Variants in SOX5 observed in about 807,000 individuals in gnomAD.
The protein encoded by SOX5 is SRY-box transcription factor 5.
Under a neutral mutation model 92.0 loss-of-function variants are expected in SOX5, and 9 were observed. That is an observed-to-expected ratio of 0.10 (90% CI 0.06 to 0.17). The LOEUF is 0.17. Among genes scored for constraint, SOX5 ranks in the 10% least tolerant of loss-of-function variants. The pLI, the probability that SOX5 is intolerant of heterozygous loss-of-function variation, is 1.00. For synonymous variants in SOX5, 344 were observed against 336.3 expected (o/e 1.02, Z -0.25); for missense variants, 642 against 944.5 (o/e 0.68, Z 4.20).
chr12:23,629,309 C>A (rs1378579977), intron 8 of SOX5, among the ~76,000 whole-genome samples: 1 of 151,938 alleles, frequency 6.6e-6, no homozygotes, highest in East Asian at 1.9e-4. Context: ...TCCTTTTAAA[C>A]GAAACAACTT....
chr12:23,929,450 G>C (rs1368094690), intron 1 of SOX5, among the ~76,000 whole-genome samples: 2 of 151,748 alleles, frequency 1.3e-5, no homozygotes, highest in South Asian at 2.1e-4. Context: ...TTACATTCAG[G>C]GGTCTCCTAA....
At chr12:23,942,161 T>C (rs1311051434) in intron 1 of SOX5, among the ~76,000 whole-genome samples, 2 of 151,850 alleles carry the variant, frequency 1.3e-5, no homozygotes, top group Non-Finnish European at 2.9e-5. Context: ...TATAATAAAG[T>C]ATTACTTTTT....
intron 4 of SOX5, among the ~76,000 whole-genome samples, chr12:24,093,771 A>T (rs1164340606): frequency 6.7e-6 from 1 of 150,200 alleles, no homozygotes; most frequent in Non-Finnish European, 1.5e-5. Context: ...CTGGTCCTAT[A>T]GTATGTGCTA....
At chr12:24,085,123 G>A (rs1410955293) in intron 4 of SOX5, among the ~76,000 whole-genome samples, 1 of 151,954 alleles carries the variant, frequency 6.6e-6, no homozygotes, top group African/African-American at 2.4e-5. Flanking sequence ...CTATCCTACT[G>A]GATTCCTCTG....
intron 1 of SOX5, among the ~76,000 whole-genome samples, chr12:24,483,621 C>A (rs762187221): frequency 1.3e-5 from 2 of 152,130 alleles, no homozygotes; most frequent in Admixed American, 6.6e-5. Context: ...AGTTGCCTGG[C>A]GACATAGGTC....
chr12:24,157,704 T>C (rs1334836770), intron 4 of SOX5, among the ~76,000 whole-genome samples: 1 of 152,124 alleles, frequency 6.6e-6, no homozygotes, highest in African/African-American at 2.4e-5. Flanking sequence ...CTTCACATTT[T>C]GTAGATAAAT....
In SOX5 at chr12:24,446,896, G is replaced by A. The variant is rs538651553; in HGVS notation, c.-250-78257C>T. Among the ~76,000 whole-genome samples, 23 of 152,254 alleles carry A rather than the reference G, an allele frequency of 1.5e-4. No individual in the cohort carries two copies. In the East Asian group the frequency reaches 3.3e-3, roughly 22 times the overall value. On this transcript the variant is annotated intron_variant, in intron 1 of 4. Coordinates refer to the SOX5 transcript ENST00000446891. ...AATAATGGAGGTATATCAGTGGGACGCAGAAGCCAACCTGAAGGAGCTCCC... is the reference window on the plus strand; with the variant it reads ...AATAATGGAGGTATATCAGTGGGACACAGAAGCCAACCTGAAGGAGCTCCC...
At chr12:24,560,808 C>T (rs1342270132) in intron 1 of SOX5, among the ~76,000 whole-genome samples, 1 of 152,216 alleles carries the variant, frequency 6.6e-6, no homozygotes, top group Non-Finnish European at 1.5e-5. Flanking sequence ...GCCTCACTCC[C>T]GTAATCCTGA....
At chr12:24,223,758 CA>C (rs1416541709) in intron 3 of SOX5, among the ~76,000 whole-genome samples, 1 of 151,766 alleles carries the variant, frequency 6.6e-6, no homozygotes, top group African/African-American at 2.4e-5. Flanking sequence ...CTATCTCAAA[CA>C]AAAACAAAAA....
intron 1 of SOX5, among the ~76,000 whole-genome samples, chr12:23,897,593 C>T (rs2097190263): frequency 6.6e-6 from 1 of 152,042 alleles, no homozygotes; most frequent in Non-Finnish European, 1.5e-5. Context: ...ATTTAACAGA[C>T]TAAAACTACA....
intron 1 of SOX5, among the ~76,000 whole-genome samples, chr12:24,397,361 C>T (rs1185587194): frequency 6.6e-6 from 1 of 152,114 alleles, no homozygotes; most frequent in African/African-American, 2.4e-5. Flanking sequence ...AAGATCTTAT[C>T]GCCTCAAGAT....
intron 4 of SOX5, among the ~76,000 whole-genome samples, chr12:24,189,302 T>C (rs1351725391): frequency 6.6e-6 from 1 of 152,194 alleles, no homozygotes; most frequent in Non-Finnish European, 1.5e-5. Context: ...TAAATCCTCA[T>C]TCATCCTTTA....
At chr12:23,624,931 G>A (rs2077581358) in intron 8 of SOX5, among the ~76,000 whole-genome samples, 1 of 152,192 alleles carries the variant, frequency 6.6e-6, no homozygotes, top group East Asian at 1.9e-4. Flanking sequence ...TTAGAAAGTG[G>A]GAATTTGCTA....
chr12:24,275,567 A>G lies in SOX5; in HGVS notation c.-77+1649T>C, dbSNP rs538764090. Among the ~76,000 whole-genome samples the G allele has an allele frequency of 2.0e-5, 3 of 152,250 alleles. 1 individual carries two copies. Among genetic ancestry groups the G allele is most frequent in the African/African-American group, 7.2e-5 (3 of 41,562 alleles). Reference sequence around the variant, plus strand: ...ATATCCCATCATATAAATGTATTCAAATTTATTTAGCCACTGCTCTACTGC... The same window carrying G: ...ATATCCCATCATATAAATGTATTCAGATTTATTTAGCCACTGCTCTACTGC... On this transcript the variant is annotated intron_variant, in intron 3 of 4. Coordinates refer to the SOX5 transcript ENST00000446891.
chr12:23,750,772 T>A (rs942755911), intron 4 of SOX5, among the ~76,000 whole-genome samples: 1 of 151,868 alleles, frequency 6.6e-6, no homozygotes, highest in African/African-American at 2.4e-5. Context: ...CATTATTAAG[T>A]ACCTTAAAAA....
intron 2 of SOX5, among the ~76,000 whole-genome samples, chr12:24,359,915 G>C (rs1405035019): frequency 1.1e-4 from 16 of 152,062 alleles, no homozygotes; most frequent in Admixed American, 1.0e-3. Context: ...ACAACAACTA[G>C]ATTTTTAGCT....
chr12:23,737,441 G>A (rs895309283), intron 5 of SOX5, among the ~76,000 whole-genome samples: 1 of 152,094 alleles, frequency 6.6e-6, no homozygotes, highest in Non-Finnish European at 1.5e-5. Context: ...TTGGGAGGCT[G>A]AGGCAGGAGA....
At chr12:24,436,596 G>C (rs1048114058) in intron 1 of SOX5, among the ~76,000 whole-genome samples, 1 of 152,234 alleles carries the variant, frequency 6.6e-6, no homozygotes, top group Non-Finnish European at 1.5e-5. Flanking sequence ...ACATAAAAGT[G>C]CAAGGGGAAG....
intron 11 of SOX5, among the ~76,000 whole-genome samples, chr12:23,559,766 G>A (rs1945861161): frequency 6.6e-6 from 1 of 152,142 alleles, no homozygotes; most frequent in Non-Finnish European, 1.5e-5. Flanking sequence ...CTCAGGTCAT[G>A]ATATCTTTTA....
Sources: allele counts gnomAD v4.1 joint callset (sites outside exome capture counted in the v4.1 genomes callset), GRCh38; gene constraint gnomAD v4.1.1; transcripts MANE v1.5; gene names NCBI Gene and HGNC (gene_info 2026-07-23, HGNC 2026-07-21).